The following OR5AU1 variants were observed in gnomAD, a reference collection of about 807,000 sequenced individuals.
The protein encoded by OR5AU1 is olfactory receptor family 5 subfamily AU member 1, also known as olfactory receptor 5AU1.
For missense variants in OR5AU1, 415 were observed against 374.2 expected, an observed-to-expected ratio of 1.11 and a Z score of -0.90; for synonymous variants, 169 against 152.0, an observed-to-expected ratio of 1.11 and a Z score of -0.82.
In OR5AU1 at chr14:21,155,127, CAGAT is replaced by C. The variant is rs748518416; in HGVS notation, c.742_745del (p.Ile248AlafsTer20). ...AAAAAGTGTTGTGCCAAAGAAGAGGCAGATGGCAGTGAGGTGGGATGCACAGGTG... is the reference window on the plus strand; with the variant it reads ...AAAAAGTGTTGTGCCAAAGAAGAGGCGGCAGTGAGGTGGGATGCACAGGTG... On this transcript the variant is annotated frameshift_variant, in exon 1 of 1. Transcript: ENST00000304418. LOFTEE classifies it low-confidence loss of function (END_TRUNC). 1 of 1,613,974 alleles carries C rather than the reference CAGAT, an allele frequency of 6.2e-7. No homozygotes were observed. The highest frequency in any genetic ancestry group is 1.3e-5 in the African/African-American group (1 of 74,910).
In OR5AU1 at chr14:21,155,284, T is replaced by G; in HGVS notation, c.589A>C (p.Ile197Leu). Residue 197 changes from isoleucine to leucine, a missense_variant, in exon 1 of 1, where the codon ATC becomes CTC. By Grantham distance (5) the Ile-to-Leu change is conservative (BLOSUM62 2). Coordinates refer to ENST00000304418, the MANE Select transcript of OR5AU1 (RefSeq NM_001004731.3). ...AAACCAGCAAAAATGAAGAGCAGGATCTCACACAGTGAGGTGTCTACACAA... is the reference window on the plus strand; with the variant it reads ...AAACCAGCAAAAATGAAGAGCAGGAGCTCACACAGTGAGGTGTCTACACAA... ...LSCVDTSLCE[I>L]LLFIFAGFNL... 6.2e-7 allele frequency: 1 copy of G among 1,614,028 alleles called. No individual in the cohort carries two copies. Among genetic ancestry groups the G allele is most frequent in the Non-Finnish European group, 8.5e-7 (1 of 1,179,976 alleles).
At position 21,155,065 on chromosome 14, in the gene OR5AU1, G is replaced by C. The variant is rs754721136; in HGVS notation, c.808C>G (p.Gln270Glu). ...TAGATGACAGCAACTGTGCGGTCCT[G>C]GGTCAAGGAGTAGCTGGACCTGGGG... The part of the protein sequence containing the change: ...LRPRSSYSLT[Q>E]DRTVAVIYTV... The change falls in exon 1 of 1, where the codon CAG becomes GAG. Residue 270 changes from glutamine (Q) to glutamate (E), a missense_variant. By Grantham distance (29) the Gln-to-Glu change is conservative (BLOSUM62 2). Transcript: ENST00000304418. The C allele has an allele frequency of 1.2e-6, 2 of 1,613,732 alleles. No individual in the cohort carries two copies. The highest frequency in any genetic ancestry group is 2.7e-5 in the African/African-American group (2 of 74,802).
At position 21,155,337 on chromosome 14, in the gene OR5AU1, C is replaced by T. The variant is rs768250774; in HGVS notation, c.536G>A (p.Cys179Tyr). Residue 179 changes from cysteine to tyrosine, a missense_variant, in exon 1 of 1, where the codon TGT (cysteine) becomes TAT (tyrosine). Coordinates refer to ENST00000304418, the MANE Select transcript of OR5AU1 (RefSeq NM_001004731.3). ...CAAGGACAGGATGGGTGGCCCATCACAGAAGAAGTGAGTGACGACATGAGC... is the reference window on the plus strand; with the variant it reads ...CAAGGACAGGATGGGTGGCCCATCATAGAAGAAGTGAGTGACGACATGAGC... ...CGAHVVTHFFCDGPPILSLSC... is the reference protein window; with the variant it reads ...CGAHVVTHFFYDGPPILSLSC... 1.2e-6 allele frequency: 2 copies of T among 1,613,896 alleles called. No individual in the cohort carries two copies. The highest frequency in any genetic ancestry group is 2.2e-5 in the East Asian group (1 of 44,870).
Position 21,155,342 on chromosome 14 carries a change from GAAGT to G in OR5AU1, c.527_530del (p.His176ProfsTer14), listed in dbSNP as rs1326203459. On this transcript the variant is annotated frameshift_variant, in exon 1 of 1. Transcript: ENST00000304418. LOFTEE classifies it low-confidence loss of function (END_TRUNC). ...ACAGGATGGGTGGCCCATCACAGAA[GAAGT>G]GAGTGACGACATGAGCACCGCAGAA... The G allele has an allele frequency of 6.2e-7, 1 of 1,613,974 alleles. No homozygotes were observed. Among genetic ancestry groups the G allele is most frequent in the Admixed American group, 1.7e-5 (1 of 60,000 alleles).
rs747260482 is a variant in OR5AU1 at position 21,155,186 on chromosome 14, G to A, written c.687C>T (p.Ser229=). 1.9e-6 allele frequency: 3 copies of A among 1,614,098 alleles called. No homozygotes were observed. The highest frequency in any genetic ancestry group is 1.7e-6 in the Non-Finnish European group (2 of 1,180,002). Residue 229 remains serine, a synonymous_variant, in exon 1 of 1, where the codon AGC becomes AGT. Coordinates refer to ENST00000304418, the MANE Select transcript of OR5AU1 (RefSeq NM_001004731.3). ...FLILNTILKM[S]SAQGRFKAFS... ...ATGCCTTAAACCTGCCCTGGGCCGA[G>A]CTCATTTTCAGGATGGTGTTGAGAA...
At position 21,155,705 on chromosome 14, in the gene OR5AU1, G is replaced by C; in HGVS notation, c.168C>G (p.His56Gln). 1.2e-6 allele frequency: 2 copies of C among 1,614,112 alleles called. No individual in the cohort carries two copies. The highest frequency in any genetic ancestry group is 1.7e-6 in the Non-Finnish European group (2 of 1,179,984). The change falls in exon 1 of 1, where the codon CAC (histidine) becomes CAG (glutamine). Residue 56 changes from histidine to glutamine, a missense_variant. Coordinates refer to ENST00000304418, the MANE Select transcript of OR5AU1 (RefSeq NM_001004731.3). ...TCTTCAGGAGGGAGTACATGGGTGT[G>C]TGCAGGGTGGCACTCACATGGATCA... ...FLLIHVSATL[H>Q]TPMYSLLKSL...
chr14:21,155,781 A>T lies in OR5AU1; in HGVS notation c.92T>A (p.Phe31Tyr). ...CAGAGTGGCTGTGTACATGCCCAGG[A>T]ACACCACGAAGAGCAGCCTCTGGAG... is the stretch of plus-strand genomic sequence containing the variant. ...PQLQRLLFVV[F>Y]LGMYTATLLG... Residue 31 changes from phenylalanine to tyrosine, a missense_variant, in exon 1 of 1, where the codon TTC becomes TAC. Coordinates refer to ENST00000304418, the MANE Select transcript of OR5AU1 (RefSeq NM_001004731.3). 1 of 1,614,126 alleles carries T rather than the reference A, an allele frequency of 6.2e-7. No individual in the cohort carries two copies. The highest frequency in any genetic ancestry group is 8.5e-7 in the Non-Finnish European group (1 of 1,180,000).
In OR5AU1 at chr14:21,155,479, A is replaced by G. The variant is rs1417426532; in HGVS notation, c.394T>C (p.Tyr132His). ...RYAAICNPLL[Y>H]STIMSPEVCA... ...ACCTCAGGAGACATGATGGTTGAGT[A>G]GAGCAGGGGGTTACAAATAGCGGCA... The change falls in exon 1 of 1, where the codon TAC becomes CAC. Residue 132 changes from tyrosine (Y) to histidine (H), a missense_variant. Transcript: ENST00000304418. 5 of 1,614,180 alleles carry G rather than the reference A, an allele frequency of 3.1e-6. 1 individual carries two copies. The South Asian group carries it at 5.5e-5, about 18-fold the overall frequency.
rs1890545172 is a variant in OR5AU1 at position 21,155,038 on chromosome 14, TGTA to T, written c.832_834del (p.Tyr278del). On this transcript the variant is annotated inframe_deletion, in exon 1 of 1. Transcript: ENST00000304418. ...GGGTTCAGCACTGGGATCACCACTG[TGTA>T]GATGACAGCAACTGTGCGGTCCTGG... 1 of 1,614,072 alleles carries T rather than the reference TGTA, an allele frequency of 6.2e-7. No individual in the cohort carries two copies. Among genetic ancestry groups the T allele is most frequent in the African/African-American group, 1.3e-5 (1 of 74,928 alleles).
In OR5AU1 at chr14:21,155,368, A is replaced by G. The variant is rs1405414583; in HGVS notation, c.505T>C (p.Cys169Arg). The change falls in exon 1 of 1, where the codon TGC becomes CGC. Residue 169 changes from cysteine (C) to arginine (R), a missense_variant. Cys to Arg is a radical substitution (Grantham distance 180). Coordinates refer to ENST00000304418, the MANE Select transcript of OR5AU1 (RefSeq NM_001004731.3). ...AAGTGAGTGACGACATGAGCACCGCAGAATTTCAGACTAAAGATACAGCCA... is the reference window on the plus strand; with the variant it reads ...AAGTGAGTGACGACATGAGCACCGCGGAATTTCAGACTAAAGATACAGCCA... ...HTGCIFSLKFCGAHVVTHFFC... is the reference protein window; with the variant it reads ...HTGCIFSLKFRGAHVVTHFFC... 9.9e-6 allele frequency: 16 copies of G among 1,614,024 alleles called. No individual in the cohort carries two copies. Among genetic ancestry groups the G allele is most frequent in the Middle Eastern group, 1.6e-4 (1 of 6,084 alleles).
Position 21,155,931 on chromosome 14 carries a change from C to T in OR5AU1, c.-59G>A. On this transcript the variant is annotated 5_prime_UTR_variant, in exon 1 of 1. Coordinates refer to ENST00000304418, the MANE Select transcript of OR5AU1 (RefSeq NM_001004731.3). ...CACCACCATAAATGAGGTTGAACAC[C>T]TGGGGCTCTGACTGGGTTTAATTCT... The T allele has an allele frequency of 6.2e-7, 1 of 1,614,180 alleles. No individual in the cohort carries two copies. Among genetic ancestry groups the T allele is most frequent in the African/African-American group, 1.3e-5 (1 of 75,042 alleles).
In OR5AU1 at chr14:21,155,152, A is replaced by C; in HGVS notation, c.721T>G (p.Cys241Gly). The change falls in exon 1 of 1, where the codon TGT (cysteine) becomes GGT (glycine). Residue 241 changes from cysteine (C) to glycine (G), a missense_variant. Transcript: ENST00000304418. ...CAGATGGCAGTGAGGTGGGATGCAC[A>C]GGTGGAAAATGCCTTAAACCTGCCC... ...AQGRFKAFST[C>G]ASHLTAICLF... 6.2e-7 allele frequency: 1 copy of C among 1,614,062 alleles called. No homozygotes were observed.
At position 21,155,523 on chromosome 14, in the gene OR5AU1, G is replaced by T. The variant is rs1175477965; in HGVS notation, c.350C>A (p.Ala117Asp). ...AGCGGCATAGCGGTCATAGGCCATG[G>T]CAGCGATGAGATAGCACTCACTGGT... Reference protein sequence around the residue: ...FATSECYLIAAMAYDRYAAIC... With the variant: ...FATSECYLIADMAYDRYAAIC... Residue 117 changes from alanine (A) to aspartate (D), a missense_variant, in exon 1 of 1, where the codon GCC becomes GAC. By Grantham distance (126) the Ala-to-Asp change is moderately radical (BLOSUM62 -2). Transcript: ENST00000304418. The T allele has an allele frequency of 3.1e-6, 5 of 1,614,078 alleles. No homozygotes were observed. Among genetic ancestry groups the T allele is most frequent in the Non-Finnish European group, 4.2e-6 (5 of 1,180,032 alleles).
Position 21,154,979 on chromosome 14 carries a change from C to G in OR5AU1, c.894G>C (p.Lys298Asn). The change falls in exon 1 of 1, where the codon AAG (lysine) becomes AAC (asparagine). Residue 298 changes from lysine to asparagine, a missense_variant. By Grantham distance (94) the Lys-to-Asn change is moderately conservative. Transcript: ENST00000304418. The stretch of plus-strand genomic sequence containing the variant: ...TACCCCAAACCTTTATTAAAGCTTT[C>G]TTCACATCCTTGTTTCTCAAAGAGT... ...LMYSLRNKDV[K>N]KALIKVWGRK... The G allele has an allele frequency of 1.9e-6, 3 of 1,613,002 alleles. No homozygotes were observed. Among genetic ancestry groups the G allele is most frequent in the Admixed American group, 1.7e-5 (1 of 59,962 alleles).
Position 21,155,187 on chromosome 14 carries a change from C to T in OR5AU1, c.686G>A (p.Ser229Asn). ...TGCCTTAAACCTGCCCTGGGCCGAG[C>T]TCATTTTCAGGATGGTGTTGAGAAT... is the stretch of plus-strand genomic sequence containing the variant. Reference protein sequence around the residue: ...FLILNTILKMSSAQGRFKAFS... With the variant: ...FLILNTILKMNSAQGRFKAFS... Residue 229 changes from serine (S) to asparagine (N), a missense_variant, in exon 1 of 1, where the codon AGC (serine) becomes AAC (asparagine). Physicochemically the swap from Ser to Asn is conservative, Grantham distance 46 (BLOSUM62 1). Coordinates refer to ENST00000304418, the MANE Select transcript of OR5AU1 (RefSeq NM_001004731.3). 2 of 1,614,066 alleles carry T rather than the reference C, an allele frequency of 1.2e-6. No individual in the cohort carries two copies. Among genetic ancestry groups the T allele is most frequent in the Non-Finnish European group, 1.7e-6 (2 of 1,179,996 alleles).
rs144024997 is a variant in OR5AU1, at chr14:21,156,017, C to T, written c.-145G>A. The T allele has an allele frequency of 1.8e-3, 2,911 of 1,612,994 alleles. 4 individuals are homozygous for T. The highest frequency in any genetic ancestry group is 2.3e-3 in the Non-Finnish European group (2,724 of 1,179,408). ...AGGGCATTTGGCTTTGCAGATGAAA[C>T]TCTGTCATAGAGAGGATCTTTTCTC... On this transcript the variant is annotated 5_prime_UTR_variant, in exon 1 of 1. Transcript: ENST00000304418.
At position 21,154,943 on chromosome 14, in the gene OR5AU1, C is replaced by T. The variant is rs769836864; in HGVS notation, c.930G>A (p.Met310Ile). ...GTGGTAATGCATTGAGAAATCATTC[C>T]ATTGTTTTCCTACCCCAAACCTTTA... is the stretch of plus-strand genomic sequence containing the variant. ...ALIKVWGRKTME is the reference protein window; with the variant it reads ...ALIKVWGRKTIE The change falls in exon 1 of 1, where the codon ATG becomes ATA. Residue 310 changes from methionine to isoleucine, a missense_variant. Met to Ile is a conservative substitution (Grantham distance 10). Coordinates refer to ENST00000304418, the MANE Select transcript of OR5AU1 (RefSeq NM_001004731.3). The T allele has an allele frequency of 1.4e-5, 22 of 1,602,630 alleles. No individual in the cohort carries two copies. Among genetic ancestry groups the T allele is most frequent in the Non-Finnish European group, 1.8e-5 (21 of 1,171,262 alleles).
rs1240740174 is a variant in OR5AU1, at chr14:21,155,286, T to A, written c.587A>T (p.Glu196Val). The A allele has an allele frequency of 6.2e-7, 1 of 1,614,086 alleles. No individual in the cohort carries two copies. Among genetic ancestry groups the A allele is most frequent in the Admixed American group, 1.7e-5 (1 of 59,992 alleles). ...SLSCVDTSLC[E>V]ILLFIFAGFN... ...ACCAGCAAAAATGAAGAGCAGGATC[T>A]CACACAGTGAGGTGTCTACACAAGA... The change falls in exon 1 of 1, where the codon GAG becomes GTG. Residue 196 changes from glutamate to valine, a missense_variant. Coordinates refer to ENST00000304418, the MANE Select transcript of OR5AU1 (RefSeq NM_001004731.3).
In OR5AU1 at chr14:21,155,905, G is replaced by C. The variant is rs746108308; in HGVS notation, c.-33C>G. On this transcript the variant is annotated 5_prime_UTR_variant, in exon 1 of 1. Coordinates refer to ENST00000304418, the MANE Select transcript of OR5AU1 (RefSeq NM_001004731.3). ...CAGTGCTCTGCGATGGAGAAAGAAG[G>C]CACCACCATAAATGAGGTTGAACAC... is the stretch of plus-strand genomic sequence containing the variant. 5 of 1,614,028 alleles carry C rather than the reference G, an allele frequency of 3.1e-6. No individual in the cohort carries two copies. The African/African-American group carries it at 4.0e-5, about 13-fold the overall frequency.
Sources: allele counts gnomAD v4.1 joint callset, GRCh38; gene constraint gnomAD v4.1.1; transcripts MANE v1.5; gene names NCBI Gene and HGNC (gene_info 2026-07-23, HGNC 2026-07-21).